Variants in SCFD2 observed in about 807,000 individuals in gnomAD.
The protein encoded by SCFD2 is sec1 family domain containing 2.
SCFD2 carries 54 observed loss-of-function variants against 58.9 expected under a neutral mutation model. The observed-to-expected ratio is 0.92, with a 90% CI of 0.74 to 1.15. SCFD2 has a LOEUF of 1.15. SCFD2 is among the 50% of genes most tolerant of loss of function. The pLI is 0.00. For missense variants in SCFD2, 805 were observed against 836.6 expected, an observed-to-expected ratio of 0.96 and a Z score of 0.47; for synonymous variants, 321 against 335.9, an observed-to-expected ratio of 0.96 and a Z score of 0.49.
At chr4:53,237,775 C>T (rs1207302654) in intron 4 of SCFD2, among the ~76,000 whole-genome samples, 94 of 81,056 alleles carry the variant, frequency 1.2e-3, no homozygotes, top group Admixed American at 3.9e-3. Flanking sequence ...GGGGGGCTGA[C>T]CCCCCCACCT....
chr4:53,006,699 T>C, intron 5 of SCFD2, among the ~76,000 whole-genome samples: 1 of 152,202 alleles, frequency 6.6e-6, no homozygotes, highest in African/African-American at 2.4e-5. Flanking sequence ...CTAATCTAGC[T>C]GGGGAAACAG....
chr4:52,890,959 G>A (rs1328184580), intron 7 of SCFD2, among the ~76,000 whole-genome samples: 2 of 151,968 alleles, frequency 1.3e-5, no homozygotes, highest in Non-Finnish European at 2.9e-5. Flanking sequence ...CTCTTTATTT[G>A]TGACTCATTT....
At chr4:53,111,379 T>C (rs1254500653) in intron 5 of SCFD2, among the ~76,000 whole-genome samples, 1 of 152,056 alleles carries the variant, frequency 6.6e-6, no homozygotes, top group Admixed American at 6.6e-5. Context: ...TAATAAGACG[T>C]ACTGTTACAG....
At chr4:53,017,981 C>T (rs1387722128) in intron 5 of SCFD2, among the ~76,000 whole-genome samples, 3 of 152,226 alleles carry the variant, frequency 2.0e-5, no homozygotes, top group African/African-American at 7.2e-5. Context: ...GAACAGCACA[C>T]TGCTAAACCA....
chr4:53,127,925 G>C (rs1577753475), intron 5 of SCFD2, among the ~76,000 whole-genome samples: 1 of 149,402 alleles, frequency 6.7e-6, no homozygotes, highest in East Asian at 2.0e-4. Flanking sequence ...ACTCTGGAGA[G>C]TAATAACCCA....
chr4:53,177,328 G>C (rs1266634475), intron 4 of SCFD2, among the ~76,000 whole-genome samples: 1 of 152,144 alleles, frequency 6.6e-6, no homozygotes, highest in African/African-American at 2.4e-5. Flanking sequence ...CCACAATTGA[G>C]GTATCAGGTA....
chr4:53,122,592 A>G (rs1370856033), intron 5 of SCFD2, among the ~76,000 whole-genome samples: 1 of 152,222 alleles, frequency 6.6e-6, no homozygotes, highest in Non-Finnish European at 1.5e-5. Context: ...GTCCAGAATT[A>G]GTAGGCAATA....
chr4:53,069,975 A>G (rs1048064512), intron 5 of SCFD2, among the ~76,000 whole-genome samples: 5 of 152,050 alleles, frequency 3.3e-5, no homozygotes, highest in South Asian at 2.1e-4. Flanking sequence ...AAGTCCTGAC[A>G]TATTTTTTAT....
chr4:53,318,530 C>T (rs1410050145), intron 2 of SCFD2, among the ~76,000 whole-genome samples: 1 of 152,100 alleles, frequency 6.6e-6, no homozygotes, highest in Non-Finnish European at 1.5e-5. Flanking sequence ...TTTTTAAAAG[C>T]ACCTAAAGAA....
intron 5 of SCFD2, among the ~76,000 whole-genome samples, chr4:53,033,858 A>T (rs960461203): frequency 6.6e-6 from 1 of 152,214 alleles, no homozygotes; most frequent in Non-Finnish European, 1.5e-5. Flanking sequence ...GACCAGACAG[A>T]TTCATAGCCG....
intron 5 of SCFD2, among the ~76,000 whole-genome samples, chr4:52,967,527 T>C (rs1720989147): frequency 6.6e-6 from 1 of 152,206 alleles, no homozygotes; most frequent in Non-Finnish European, 1.5e-5. Context: ...AGGAATACAG[T>C]AAACAAATGG....
intron 5 of SCFD2, among the ~76,000 whole-genome samples, chr4:53,019,089 C>T (rs1284820207): frequency 1.3e-5 from 2 of 152,048 alleles, no homozygotes; most frequent in Non-Finnish European, 2.9e-5. Flanking sequence ...ATATTAGGAG[C>T]CTTAAAAAGG....
chr4:52,988,536 G>T (rs529828599), intron 5 of SCFD2, among the ~76,000 whole-genome samples: 1 of 152,218 alleles, frequency 6.6e-6, no homozygotes, highest in African/African-American at 2.4e-5. Context: ...TGATTCTTAG[G>T]TTTTCGAATG....
At chr4:53,194,969 C>T (rs1228076375) in intron 4 of SCFD2, among the ~76,000 whole-genome samples, 1 of 152,162 alleles carries the variant, frequency 6.6e-6, no homozygotes, top group African/African-American at 2.4e-5. Flanking sequence ...TGGACATTAA[C>T]AGGATTATAG....
intron 5 of SCFD2, among the ~76,000 whole-genome samples, chr4:53,058,558 C>A (rs926943639): frequency 1.3e-5 from 2 of 152,112 alleles, no homozygotes; most frequent in African/African-American, 4.8e-5. Flanking sequence ...TCCCTGTGCA[C>A]TGACACCAGA....
intron 5 of SCFD2, among the ~76,000 whole-genome samples, chr4:52,974,636 C>A (rs1395560308): frequency 5.9e-5 from 9 of 152,036 alleles, no homozygotes; most frequent in Non-Finnish European, 2.9e-5. Context: ...ATCAAGCTAC[C>A]AATGACTTTC....
intron 4 of SCFD2, among the ~76,000 whole-genome samples, chr4:53,264,232 C>T (rs994879353): frequency 6.6e-6 from 1 of 152,208 alleles, no homozygotes; most frequent in African/African-American, 2.4e-5. Context: ...AGCCTCTCCA[C>T]TGAGAAAGCA....
intron 4 of SCFD2, among the ~76,000 whole-genome samples, chr4:53,175,372 CA>C (rs1019481684): frequency 6.6e-6 from 1 of 151,988 alleles, no homozygotes; most frequent in African/African-American, 2.4e-5. Context: ...TAAAATATAA[CA>C]AAAAATCCTA....
chr4:53,127,620 G>C (rs940048149), intron 5 of SCFD2, among the ~76,000 whole-genome samples: 5 of 152,224 alleles, frequency 3.3e-5, no homozygotes, highest in African/African-American at 1.2e-4. Flanking sequence ...GGAGTTGTCT[G>C]AGCTGAGCTC....
Sources: allele counts gnomAD v4.1 joint callset (sites outside exome capture counted in the v4.1 genomes callset), GRCh38; gene constraint gnomAD v4.1.1; transcripts MANE v1.5; gene names NCBI Gene and HGNC (gene_info 2026-07-23, HGNC 2026-07-21).